The following DGKB variants were observed in gnomAD, a reference collection of about 807,000 sequenced individuals.
The protein encoded by DGKB is diacylglycerol kinase beta.
A neutral mutation model predicts 114.3 loss-of-function variants in DGKB; 67 were observed. The ratio of observed to expected loss-of-function variants is 0.59; its 90% CI spans 0.48 to 0.72. The LOEUF (loss-of-function observed/expected upper bound fraction) is 0.72. DGKB is among the 30% of genes least tolerant of loss of function. DGKB has a pLI of 0.00. For missense variants in DGKB, 907 were observed against 975.2 expected (o/e 0.93, Z 0.93); for synonymous variants, 398 against 323.1 (o/e 1.23, Z -2.49).
At chr7:14,444,994 T>A (rs1334709731) in intron 21 of DGKB, among the ~76,000 whole-genome samples, 1 of 151,904 alleles carries the variant, frequency 6.6e-6, no homozygotes, top group Non-Finnish European at 1.5e-5. Context: ...AAAGTGCCAT[T>A]TTTTCAGTTG....
chr7:14,633,761 G>A (rs1490100116), intron 13 of DGKB, among the ~76,000 whole-genome samples: 1 of 151,680 alleles, frequency 6.6e-6, no homozygotes, highest in Non-Finnish European at 1.5e-5. Flanking sequence ...TGTGACTACA[G>A]AGGAATGTGA....
Position 14,729,161 on chromosome 7 carries a change from T to C in DGKB, c.322+6880A>G, listed in dbSNP as rs183619161. Among the ~76,000 whole-genome samples the C allele has an allele frequency of 9.3e-3, 1,351 of 144,732 alleles. 17 individuals are homozygous for C. The highest frequency in any genetic ancestry group is 0.026 in the African/African-American group (1,004 of 38,236). The allele number at this position is 144,732 out of a possible 152,430, so 94.9% of individuals were successfully genotyped here. On this transcript the variant is annotated intron_variant, in intron 5 of 25. Transcript: ENST00000402815. ...TTTTTTTGATGGAGTCTCACTCTGT[T>C]GCCCAGGCTGGAGTGCAGTGGCGCC... is the stretch of plus-strand genomic sequence containing the variant.
intron 23 of DGKB, among the ~76,000 whole-genome samples, chr7:14,215,319 G>A (rs904394414): frequency 1.3e-5 from 2 of 151,980 alleles, no homozygotes; most frequent in Middle Eastern, 3.2e-3. Context: ...TAAGGTTTTC[G>A]AGCCACATTA....
At position 14,480,357 on chromosome 7, in the gene DGKB, G is replaced by A. The variant is rs75838759; in HGVS notation, c.1771-2132C>T. Among the ~76,000 whole-genome samples, 118 of 152,170 alleles carry A rather than the reference G, an allele frequency of 7.8e-4. No homozygotes were observed. In the East Asian group the frequency reaches 0.022, roughly 28 times the overall value. ...CAGGTCTTTTCCTTGTGTTGAATAG[G>A]TTCCACCATAAAAAGAGAACTGGCA... On this transcript the variant is annotated intron_variant, in intron 20 of 25. Coordinates refer to ENST00000402815, the MANE Select transcript of DGKB (RefSeq NM_001350709.2).
chr7:14,943,637 A>AACACACAAACACACACACACAC (rs1785696224), intron 1 of DGKB, among the ~76,000 whole-genome samples: 2 of 151,468 alleles, frequency 1.3e-5, no homozygotes, highest in African/African-American at 4.8e-5. Flanking sequence ...TTTGAAGTGA[A>AACACACAAACACACACACACAC]ACACACACAC....
At chr7:14,682,321 T>A (rs1168259395) in intron 12 of DGKB, among the ~76,000 whole-genome samples, 1 of 152,040 alleles carries the variant, frequency 6.6e-6, no homozygotes, top group Non-Finnish European at 1.5e-5. Flanking sequence ...TTAAAAACCA[T>A]ACCATGGTAT....
At chr7:14,405,255 T>A (rs6461099) in intron 21 of DGKB, among the ~76,000 whole-genome samples, 113,574 of 151,372 alleles carry the variant, frequency 0.75, 43,221 homozygotes, top group Non-Finnish European at 0.82. Context: ...CATGATTTTT[T>A]AAAAAAATAA....
intron 23 of DGKB, among the ~76,000 whole-genome samples, chr7:14,207,766 G>T (rs184605099): frequency 2.6e-4 from 39 of 151,846 alleles, no homozygotes; most frequent in Admixed American, 2.4e-3. Context: ...CTCCTTTATT[G>T]TACTTGGGAA....
In DGKB at chr7:14,763,510, G is replaced by A. The variant is rs1382597730; in HGVS notation, c.71-5779C>T. ...ATTATTACCTACTTAGGATCACACA[G>A]CTAAAAAGTTTCACATAATGATTCA... On this transcript the variant is annotated intron_variant, in intron 2 of 25. Coordinates refer to ENST00000402815, the MANE Select transcript of DGKB (RefSeq NM_001350709.2). Among the ~76,000 whole-genome samples, 3 of 152,040 alleles carry A rather than the reference G, an allele frequency of 2.0e-5. No homozygotes were observed. In the East Asian group the frequency reaches 5.8e-4, roughly 29 times the overall value.
At chr7:14,492,387 C>T (rs1389542749) in intron 20 of DGKB, among the ~76,000 whole-genome samples, 7 of 151,798 alleles carry the variant, frequency 4.6e-5, no homozygotes, top group Non-Finnish European at 1.0e-4. Context: ...TTTAAAAATA[C>T]CAATAAAAGA....
chr7:14,188,112 T>A (rs1783717507), intron 23 of DGKB, among the ~76,000 whole-genome samples: 2 of 151,830 alleles, frequency 1.3e-5, no homozygotes, highest in Non-Finnish European at 2.9e-5. Context: ...GAAGAAAGAA[T>A]TTATGAACTT....
chr7:14,639,297 T>C (rs2128870190), intron 13 of DGKB, among the ~76,000 whole-genome samples: 1 of 152,180 alleles, frequency 6.6e-6, no homozygotes, highest in East Asian at 1.9e-4. Flanking sequence ...GCTTAAAAGG[T>C]AAAAGAAAAC....
chr7:14,199,135 C>T (rs1238681459), intron 23 of DGKB, among the ~76,000 whole-genome samples: 1 of 151,952 alleles, frequency 6.6e-6, no homozygotes, highest in Non-Finnish European at 1.5e-5. Flanking sequence ...TGCTCATTCT[C>T]TTTCTCCCCT....
At chr7:14,696,090 C>A (rs1823827258) in intron 8 of DGKB, among the ~76,000 whole-genome samples, 1 of 152,128 alleles carries the variant, frequency 6.6e-6, no homozygotes, top group South Asian at 2.1e-4. Context: ...CACCAGCTTT[C>A]CCCTTCCTCC....
intron 2 of DGKB, among the ~76,000 whole-genome samples, chr7:14,833,105 G>C (rs1846648671): frequency 6.6e-6 from 1 of 151,984 alleles, no homozygotes; most frequent in African/African-American, 2.4e-5. Flanking sequence ...ATTGAATTCG[G>C]TTCATTCTGC....
chr7:14,564,738 C>A (rs771752519), intron 20 of DGKB, among the ~76,000 whole-genome samples: 5 of 152,048 alleles, frequency 3.3e-5, no homozygotes, highest in Non-Finnish European at 7.4e-5. Flanking sequence ...ATTTAGTCGG[C>A]CATTCTTTTC....
intron 21 of DGKB, among the ~76,000 whole-genome samples, chr7:14,394,216 A>C (rs1189467540): frequency 6.6e-6 from 1 of 152,074 alleles, no homozygotes; most frequent in Non-Finnish European, 1.5e-5. Context: ...TACTTGGGAG[A>C]TATTTCTAAA....
chr7:14,690,634 G>A (rs1189410378), intron 9 of DGKB, among the ~76,000 whole-genome samples: 1 of 152,164 alleles, frequency 6.6e-6, no homozygotes, highest in Non-Finnish European at 1.5e-5. Context: ...CATAATTTCT[G>A]CGATTGCATT....
At chr7:14,964,094 C>T (rs986535799) in intron 1 of DGKB, among the ~76,000 whole-genome samples, 8 of 151,894 alleles carry the variant, frequency 5.3e-5, no homozygotes, top group African/African-American at 1.7e-4. Flanking sequence ...GCCCAGTGAA[C>T]ATTTGGAACA....
Sources: allele counts gnomAD v4.1 joint callset (sites outside exome capture counted in the v4.1 genomes callset), GRCh38; gene constraint gnomAD v4.1.1; transcripts MANE v1.5; gene names NCBI Gene and HGNC (gene_info 2026-07-23, HGNC 2026-07-21).